Variants in POLR1A observed in about 807,000 individuals in gnomAD.
POLR1A encodes DNA-directed RNA polymerase I subunit RPA1.
POLR1A carries 84 observed loss-of-function variants against 205.3 expected under a neutral mutation model. The ratio of observed to expected loss-of-function variants is 0.41; its 90% CI spans 0.34 to 0.49. POLR1A has a LOEUF of 0.49. POLR1A is among the 20% of genes least tolerant of loss of function. POLR1A has a pLI of 0.22. For missense variants in POLR1A, 1,645 were observed against 2,204.5 expected, an observed-to-expected ratio of 0.75 and a Z score of 5.08; for synonymous variants, 799 against 863.7, an observed-to-expected ratio of 0.93 and a Z score of 1.31.
intron 13 of POLR1A, among the ~76,000 whole-genome samples, chr2:86,066,871 G>C (rs770126617): frequency 1.3e-5 from 2 of 152,106 alleles, no homozygotes; most frequent in Non-Finnish European, 2.9e-5. Flanking sequence ...ACTTAATAAT[G>C]TACATAAAAA....
At position 86,025,109 on chromosome 2, in the gene POLR1A, C is replaced by T. The variant is rs905997781; in HGVS notation, c.*2314G>A. ...GCCGAGATTGCGCCATTGCACTCAG[C>T]CTGGGTAACAAGTGCAAAAGTGCAT... On this transcript the variant is annotated 3_prime_UTR_variant, in exon 34 of 34. Transcript: ENST00000263857. 1.3e-5 allele frequency: 2 copies of T among 152,134 alleles called. No homozygotes were observed. Among genetic ancestry groups the T allele is most frequent in the Non-Finnish European group, 2.9e-5 (2 of 68,032 alleles). 9.4% of individuals were successfully genotyped at this position (152,134 alleles called of 1,614,324 possible). A position where few individuals can be genotyped will look rare whatever the true frequency, so the allele number is the denominator to read the frequency against.
chr2:86,072,643 A>C (rs1673200214), intron 12 of POLR1A, among the ~76,000 whole-genome samples: 1 of 152,274 alleles, frequency 6.6e-6, no homozygotes, highest in Admixed American at 6.5e-5. Context: ...CAGAATTTTC[A>C]GAGGCAGGCT....
chr2:86,090,093 G>T (rs1345188989), intron 3 of POLR1A, among the ~76,000 whole-genome samples, 164 bp from the exon 4 acceptor site: 1 of 152,036 alleles, frequency 6.6e-6, no homozygotes, highest in Non-Finnish European at 1.5e-5. Flanking sequence ...CAGCATCGCT[G>T]TTGAAAAAAA....
Position 86,098,721 on chromosome 2 carries a change from G to A in POLR1A, c.322C>T (p.His108Tyr). 6.2e-7 allele frequency: 1 copy of A among 1,614,016 alleles called. No homozygotes were observed. The highest frequency in any genetic ancestry group is 8.5e-7 in the Non-Finnish European group (1 of 1,179,992). Residue 108 changes from histidine to tyrosine, a missense_variant, in exon 3 of 34, where the codon CAC (histidine) becomes TAC (tyrosine). By Grantham distance (83) the His-to-Tyr change is moderately conservative (BLOSUM62 2). Transcript: ENST00000263857. ...ACGGCCCGGGGACAAGTCAGCATGTGGCAGTTTAAACAAGAGCCCCGAAGC... is the reference window on the plus strand; with the variant it reads ...ACGGCCCGGGGACAAGTCAGCATGTAGCAGTTTAAACAAGAGCCCCGAAGC... Reference protein sequence around the residue: ...LLLRGSCLNCHMLTCPRAVIH... With the variant: ...LLLRGSCLNCYMLTCPRAVIH...
intron 33 of POLR1A, 24 bp from the exon 34 acceptor site, chr2:86,027,547 G>C: frequency 6.3e-7 from 1 of 1,591,946 alleles, no homozygotes; most frequent in Non-Finnish European, 8.6e-7. Context: ...AAAAACATGT[G>C]TCAGGGTGTT....
chr2:86,031,359 AC>A lies in POLR1A; in HGVS notation c.4548del (p.Gln1516HisfsTer12). On this transcript the variant is annotated frameshift_variant, in exon 30 of 34. Coordinates refer to ENST00000263857, the MANE Select transcript of POLR1A (RefSeq NM_015425.6). LOFTEE classifies it high-confidence loss of function. Reference protein sequence around the residue: ...REIHPFIDDYQYDTEESLWCQ... With the variant: ...REIHPFIDDYXYDTEESLWCQ... ...CACCACAGGCTCTCCTCGGTGTCGT[AC>A]TGGTAGTCATCTATGAACGGGTGGA... 6.3e-7 allele frequency: 1 copy of A among 1,584,676 alleles called. No homozygotes were observed. Among genetic ancestry groups the A allele is most frequent in the Non-Finnish European group, 8.6e-7 (1 of 1,162,990 alleles).
At chr2:86,069,716 C>T (rs547244564) in intron 13 of POLR1A, among the ~76,000 whole-genome samples, 2 of 152,324 alleles carry the variant, frequency 1.3e-5, no homozygotes, top group East Asian at 3.9e-4. Flanking sequence ...TACTAAGTTG[C>T]AGAATCCAAA....
At position 86,105,819 on chromosome 2, in the gene POLR1A, C is replaced by T; in HGVS notation, c.-43G>A. On this transcript the variant is annotated 5_prime_UTR_variant, in exon 1 of 34. Coordinates refer to ENST00000263857, the MANE Select transcript of POLR1A (RefSeq NM_015425.6). ...AATTCCGACACCCCAAGAGACGTTCCACTCACCACCTGACTATTCTTAATT... is the reference window on the plus strand; with the variant it reads ...AATTCCGACACCCCAAGAGACGTTCTACTCACCACCTGACTATTCTTAATT... The T allele has an allele frequency of 6.8e-7, 1 of 1,476,416 alleles. No homozygotes were observed. Among genetic ancestry groups the T allele is most frequent in the Non-Finnish European group, 9.5e-7 (1 of 1,055,184 alleles). 91.5% of individuals were successfully genotyped at this position (1,476,416 alleles called of 1,614,324 possible).
At chr2:86,052,608 C>A (rs1251404021) in intron 16 of POLR1A, among the ~76,000 whole-genome samples, 1 of 152,184 alleles carries the variant, frequency 6.6e-6, no homozygotes, top group African/African-American at 2.4e-5. Flanking sequence ...GGAAAAGAAA[C>A]CTGGCAGTTT....
At chr2:86,096,958 C>T (rs1201185403) in intron 3 of POLR1A, among the ~76,000 whole-genome samples, 1 of 151,992 alleles carries the variant, frequency 6.6e-6, no homozygotes, top group Non-Finnish European at 1.5e-5. Context: ...TATTTGCAAA[C>T]TATTCATCTT....
intron 7 of POLR1A, 77 bp downstream of exon 7, chr2:86,083,005 A>G: frequency 9.2e-7 from 1 of 1,082,326 alleles, no homozygotes; most frequent in Non-Finnish European, 1.4e-6. Context: ...TAAAAGAAGT[A>G]ATAAGGCAGG....
At chr2:86,047,142 T>G (rs755945818) in intron 19 of POLR1A, 23 bp downstream of exon 19, 7 of 1,578,998 alleles carry the variant, frequency 4.4e-6, no homozygotes, top group Non-Finnish European at 6.1e-6. Context: ...CCTGTAAAGC[T>G]GCCAACCCGC....
rs777657219 is a variant in POLR1A, at chr2:86,088,801, G to A, written c.610C>T (p.Arg204Cys). 8.7e-6 allele frequency: 14 copies of A among 1,613,526 alleles called. No homozygotes were observed. The highest frequency in any genetic ancestry group is 6.7e-5 in the East Asian group (3 of 44,890). The change falls in exon 5 of 34, where the codon CGC (arginine) becomes TGC (cysteine). Residue 204 changes from arginine (R) to cysteine (C), a missense_variant. By Grantham distance (180) the Arg-to-Cys change is radical (BLOSUM62 -3). This residue lies in a region of POLR1A where 330 missense variants were observed against 375.6 expected (regional missense o/e 0.88). Transcript: ENST00000263857. ...LFWKAHMNAK[R>C]CPHCKTGRSV... ...GATACTTACTTGCAGTGGGGACAGC[G>A]CTTAGCATTCATATGTGCCTTCCAG...
intron 12 of POLR1A, 82 bp downstream of exon 12, chr2:86,074,948 C>G: frequency 1.0e-6 from 1 of 971,654 alleles, no homozygotes. Context: ...CAGTGCGCAC[C>G]GGAGCCACAC....
chr2:86,049,334 T>A, intron 16 of POLR1A, 92 bp from the exon 17 acceptor site: 1 of 819,992 alleles, frequency 1.2e-6, no homozygotes, highest in South Asian at 1.4e-5. Flanking sequence ...CAGAGTCCAG[T>A]GCCACAGATG....
intron 14 of POLR1A, among the ~76,000 whole-genome samples, chr2:86,058,373 A>G (rs938846802): frequency 6.8e-6 from 1 of 147,556 alleles, no homozygotes; most frequent in Middle Eastern, 3.6e-3. Flanking sequence ...TGCTGGGATT[A>G]CAGGTGTGAG....
rs1035116201 is a variant in POLR1A at position 86,088,488 on chromosome 2, G to A, written c.730+78C>T. ...ATGCAGCAGAGAAACACGTGGTGAG[G>A]AGAACCAGGTATTCCCAGGGTTTAG... is the stretch of plus-strand genomic sequence containing the variant. On this transcript the variant is annotated intron_variant, in intron 6 of 33. Transcript: ENST00000263857. The A allele has an allele frequency of 1.2e-4, 111 of 889,010 alleles. No homozygotes were observed. In the African/African-American group the frequency reaches 1.7e-3, roughly 13 times the overall value. The allele number at this position is 889,010 out of a possible 1,614,324, so 55.1% of individuals were successfully genotyped here. A position where few individuals can be genotyped will look rare whatever the true frequency, so the allele number is the denominator to read the frequency against.
chr2:86,049,987 G>A (rs1280490844), intron 16 of POLR1A, among the ~76,000 whole-genome samples: 2 of 151,086 alleles, frequency 1.3e-5, no homozygotes, highest in African/African-American at 2.4e-5. Flanking sequence ...GTGTGATCTC[G>A]GCTCACTGCA....
intron 22 of POLR1A, among the ~76,000 whole-genome samples, chr2:86,043,701 T>C (rs1558766477): frequency 6.6e-6 from 1 of 152,154 alleles, no homozygotes; most frequent in Non-Finnish European, 1.5e-5. Context: ...ATGAAAATCA[T>C]GAGTTTGTGT....
Sources: allele counts gnomAD v4.1 joint callset (sites outside exome capture counted in the v4.1 genomes callset), GRCh38; gene constraint gnomAD v4.1.1; regional missense constraint gnomAD v4.1.1; transcripts MANE v1.5; gene names NCBI Gene and HGNC (gene_info 2026-07-23, HGNC 2026-07-21).